Variants in PUM1 observed in about 807,000 individuals in gnomAD.
PUM1 encodes pumilio homolog 1.
A neutral mutation model predicts 131.8 loss-of-function variants in PUM1; 13 were observed. The observed-to-expected ratio is 0.10, with a 90% CI of 0.06 to 0.16. PUM1 has a LOEUF of 0.16. Among genes scored for constraint, PUM1 ranks in the 10% least tolerant of loss-of-function variants. PUM1 has a pLI of 1.00. For missense variants in PUM1, 961 were observed against 1,512.4 expected (o/e 0.64, Z 6.05); for synonymous variants, 509 against 556.5 (o/e 0.91, Z 1.20).
intron 21 of PUM1, among the ~76,000 whole-genome samples, chr1:30,934,273 T>A (rs540824906): frequency 1.3e-5 from 2 of 152,318 alleles, no homozygotes; most frequent in African/African-American, 4.8e-5. Context: ...TTTTGCTTAA[T>A]TATCAATCTT....
chr1:30,992,909 T>A (rs931958275), intron 6 of PUM1, among the ~76,000 whole-genome samples: 1 of 152,164 alleles, frequency 6.6e-6, no homozygotes, highest in Non-Finnish European at 1.5e-5. Context: ...TTACATCCCT[T>A]CACCAAGGGG....
chr1:31,064,905 T>C (rs1355725770), intron 1 of PUM1, among the ~76,000 whole-genome samples: 3 of 151,976 alleles, frequency 2.0e-5, no homozygotes, highest in Admixed American at 2.0e-4. Context: ...ATTGTGTATC[T>C]AGATTTTCCT....
At chr1:31,021,145 T>C (rs1292686176) in intron 3 of PUM1, among the ~76,000 whole-genome samples, 1 of 152,216 alleles carries the variant, frequency 6.6e-6, no homozygotes, top group African/African-American at 2.4e-5. Flanking sequence ...CCTTTATATA[T>C]CGGATTCAAT....
rs185428891 is a variant in PUM1 at position 31,010,006 on chromosome 1, A to T, written c.433-2904T>A. On this transcript the variant is annotated intron_variant, in intron 3 of 21. Coordinates refer to ENST00000426105, the MANE Select transcript of PUM1 (RefSeq NM_001020658.2). Reference sequence around the variant, plus strand: ...AAAGCCAGGAGAAGCAGGTGAACACATAAGCGAGGCTATTTTCAGGGTAAA... The same window carrying T: ...AAAGCCAGGAGAAGCAGGTGAACACTTAAGCGAGGCTATTTTCAGGGTAAA... Among the ~76,000 whole-genome samples, 116 of 152,308 alleles carry T rather than the reference A, an allele frequency of 7.6e-4. 1 individual carries two copies. The highest frequency in any genetic ancestry group is 2.6e-3 in the African/African-American group (110 of 41,570).
chr1:31,012,552 TA>T (rs10666570), intron 3 of PUM1, among the ~76,000 whole-genome samples: 36,827 of 119,056 alleles, frequency 0.31, 7,005 homozygotes, highest in African/African-American at 0.56. Context: ...TTATGAAAAG[TA>T]AAAAAAAAAA....
intron 16 of PUM1, among the ~76,000 whole-genome samples, chr1:30,950,972 G>A (rs554369228): frequency 6.6e-6 from 1 of 152,246 alleles, no homozygotes; most frequent in South Asian, 2.1e-4. Context: ...TTTACACAAG[G>A]TAACAGAGTT....
intron 20 of PUM1, among the ~76,000 whole-genome samples, chr1:30,940,049 C>T (rs1639380604): frequency 6.6e-6 from 1 of 152,088 alleles, no homozygotes; most frequent in African/African-American, 2.4e-5. Flanking sequence ...AAGGAACCCC[C>T]CAAAACAAAA....
At chr1:31,010,689 T>C (rs546220175) in intron 3 of PUM1, among the ~76,000 whole-genome samples, 1 of 152,154 alleles carries the variant, frequency 6.6e-6, no homozygotes, top group Non-Finnish European at 1.5e-5. Flanking sequence ...TGATACCACA[T>C]GAGTGAGTTT....
chr1:31,056,221 A>G (rs1644232950), intron 2 of PUM1, among the ~76,000 whole-genome samples: 1 of 152,150 alleles, frequency 6.6e-6, no homozygotes, highest in Non-Finnish European at 1.5e-5. Flanking sequence ...AGGATATAAG[A>G]TTTCTAATTC....
rs116322975 is a variant in PUM1, at chr1:31,063,038, C to T, written c.-12+2578G>A. Among the ~76,000 whole-genome samples, 847 of 152,250 alleles carry T rather than the reference C, an allele frequency of 5.6e-3. 7 individuals carry two copies. Among genetic ancestry groups the T allele is most frequent in the African/African-American group, 0.019 (800 of 41,556 alleles). Reference sequence around the variant, plus strand: ...GTACCAAAACCAAAAAGTCATAGCCCGGTTTCACCATCGGTCTTTCAAAAG... The same window carrying T: ...GTACCAAAACCAAAAAGTCATAGCCTGGTTTCACCATCGGTCTTTCAAAAG... On this transcript the variant is annotated intron_variant, in intron 1 of 21. Transcript: ENST00000426105.
At chr1:31,062,447 C>A (rs1414870794) in intron 1 of PUM1, among the ~76,000 whole-genome samples, 1 of 152,040 alleles carries the variant, frequency 6.6e-6, no homozygotes, top group Non-Finnish European at 1.5e-5. Context: ...TACTGAAACC[C>A]CGTCTCTACT....
chr1:31,064,901 T>C (rs776340250), intron 1 of PUM1, among the ~76,000 whole-genome samples: 3 of 151,884 alleles, frequency 2.0e-5, no homozygotes, highest in Non-Finnish European at 4.4e-5. Context: ...TAGTATTGTG[T>C]ATCTAGATTT....
At chr1:31,031,552 C>G (rs1643431790) in intron 2 of PUM1, among the ~76,000 whole-genome samples, 1 of 152,202 alleles carries the variant, frequency 6.6e-6, no homozygotes. Context: ...ATGGCACTGC[C>G]AGGATCTTAA....
chr1:31,045,685 T>C (rs1643940331), intron 2 of PUM1, among the ~76,000 whole-genome samples: 2 of 152,260 alleles, frequency 1.3e-5, no homozygotes, highest in South Asian at 2.1e-4. Context: ...CTCATAAAAA[T>C]ATTAAGAAAG....
intron 7 of PUM1, among the ~76,000 whole-genome samples, chr1:30,984,933 C>A (rs1440919268): frequency 6.6e-6 from 1 of 152,048 alleles, no homozygotes; most frequent in Non-Finnish European, 1.5e-5. Flanking sequence ...TCCCCCCTGG[C>A]CACCGGCCAC....
intron 3 of PUM1, among the ~76,000 whole-genome samples, chr1:31,022,002 C>CATG (rs1482262482): frequency 2.7e-5 from 4 of 150,586 alleles, no homozygotes; most frequent in Non-Finnish European, 4.4e-5. Context: ...CTGTAACATA[C>CATG]ATGAGGTGAT....
chr1:31,046,006 C>G (rs1350967035), intron 2 of PUM1, among the ~76,000 whole-genome samples: 4 of 152,012 alleles, frequency 2.6e-5, no homozygotes, highest in Non-Finnish European at 5.9e-5. Context: ...CGCTTGAACC[C>G]AGGAGGTGGA....
At chr1:31,049,823 CTTTTTTTTTTTTTT>C (rs773718125) in intron 2 of PUM1, among the ~76,000 whole-genome samples, 2 of 79,970 alleles carry the variant, frequency 2.5e-5, no homozygotes, top group Non-Finnish European at 2.2e-5. Context: ...ACTGAACTTC[CTTTTTTTTTTTTTT>C]TTTTTTTTTT....
intron 16 of PUM1, among the ~76,000 whole-genome samples, chr1:30,951,781 T>C (rs183269955): frequency 1.3e-5 from 2 of 152,336 alleles, no homozygotes; most frequent in Admixed American, 1.3e-4. Context: ...AGAAGCAGCA[T>C]TTAACAATTC....
Sources: allele counts gnomAD v4.1 joint callset (sites outside exome capture counted in the v4.1 genomes callset), GRCh38; gene constraint gnomAD v4.1.1; transcripts MANE v1.5; gene names NCBI Gene and HGNC (gene_info 2026-07-23, HGNC 2026-07-21).